Variants in MYO3A observed in about 807,000 individuals in gnomAD.
The protein encoded by MYO3A is myosin-IIIa.
A neutral mutation model predicts 192.7 loss-of-function variants in MYO3A; 180 were observed. That is an observed-to-expected ratio of 0.93 (90% CI 0.83 to 1.06). MYO3A has a LOEUF of 1.06. Among genes scored for constraint, MYO3A ranks in the 50% least tolerant of loss-of-function variants. MYO3A has a pLI of 0.00. For synonymous variants in MYO3A, 628 were observed against 645.3 expected, an observed-to-expected ratio of 0.97 and a Z score of 0.41; for missense variants, 1,896 against 1,905.0, an observed-to-expected ratio of 1.00 and a Z score of 0.09.
intron 17 of MYO3A, among the ~76,000 whole-genome samples, chr10:26,120,330 T>G (rs1838778936): frequency 6.6e-6 from 1 of 152,190 alleles, no homozygotes; most frequent in African/African-American, 2.4e-5. Context: ...CACACTAAGT[T>G]CTGAAATTAA....
chr10:26,168,858 TATA>T lies in MYO3A; in HGVS notation c.3265_3267del (p.Ile1089del), dbSNP rs772831470. 3.7e-6 allele frequency: 6 copies of T among 1,610,668 alleles called. No homozygotes were observed. Among genetic ancestry groups the T allele is most frequent in the Non-Finnish European group, 5.1e-6 (6 of 1,178,660 alleles). ...TACAGGAGAAAAGGAAAGAAAGCGC[TATA>T]ATAATACAGTCAGGTAATCTCTTTG... On this transcript the variant is annotated inframe_deletion, in exon 28 of 35. Transcript: ENST00000642920.
chr10:26,105,158 C>T (rs965749905), intron 17 of MYO3A, among the ~76,000 whole-genome samples: 2 of 152,090 alleles, frequency 1.3e-5, no homozygotes, highest in Non-Finnish European at 2.9e-5. Context: ...TCTTTGCTAC[C>T]ATGAGCAAAA....
intron 4 of MYO3A, among the ~76,000 whole-genome samples, chr10:25,967,902 T>C (rs1409933058): frequency 4.6e-5 from 7 of 152,198 alleles, no homozygotes; most frequent in Non-Finnish European, 1.0e-4. Flanking sequence ...AACTGAAGCA[T>C]AGTTATCAAA....
intron 10 of MYO3A, among the ~76,000 whole-genome samples, chr10:26,039,883 T>C (rs1411707739): frequency 2.0e-5 from 3 of 152,090 alleles, no homozygotes; most frequent in Admixed American, 6.5e-5. Context: ...TTATTTCTGC[T>C]CTGATCTTTA....
Position 26,165,999 on chromosome 10 carries a change from G to A in MYO3A, c.3000-68G>A, listed in dbSNP as rs557659607. 1.8e-4 allele frequency: 234 copies of A among 1,305,852 alleles called. No homozygotes were observed. The African/African-American group carries it at 3.2e-3, about 18-fold the overall frequency. The allele number at this position is 1,305,852 out of a possible 1,614,324, so 80.9% of individuals were successfully genotyped here. On this transcript the variant is annotated intron_variant, in intron 26 of 34. Coordinates refer to ENST00000642920, the MANE Select transcript of MYO3A (RefSeq NM_017433.5). ...CTCAGCCCCTGCACTAAGTTGTTGG[G>A]GAACCACCAAGCTACAGAGATGTTG... is the stretch of plus-strand genomic sequence containing the variant.
intron 20 of MYO3A, among the ~76,000 whole-genome samples, chr10:26,142,140 G>A (rs1840201918): frequency 6.6e-6 from 1 of 152,176 alleles, no homozygotes; most frequent in Non-Finnish European, 1.5e-5. Flanking sequence ...CTTGCCTTCA[G>A]TATTCAATTA....
chr10:26,171,701 G>A (rs1170908848), intron 29 of MYO3A, among the ~76,000 whole-genome samples: 1 of 152,136 alleles, frequency 6.6e-6, no homozygotes, highest in Non-Finnish European at 1.5e-5. Context: ...CAAACTTCCA[G>A]ACATCACAGG....
chr10:25,982,900 A>G (rs1164441193), intron 4 of MYO3A, among the ~76,000 whole-genome samples: 2 of 152,164 alleles, frequency 1.3e-5, no homozygotes, highest in Non-Finnish European at 2.9e-5. Flanking sequence ...TAACACCGCC[A>G]AAAGATCATA....
rs184336265 is a variant in MYO3A at position 25,939,872 on chromosome 10, T to G, written c.-18+4042T>G. On this transcript the variant is annotated intron_variant, in intron 2 of 34. Coordinates refer to ENST00000642920, the MANE Select transcript of MYO3A (RefSeq NM_017433.5). ...ATTGTGAATTTATTTCTTTATTTCTTTCAGCCTTTATTTGACATGTTTTGG... is the reference window on the plus strand; with the variant it reads ...ATTGTGAATTTATTTCTTTATTTCTGTCAGCCTTTATTTGACATGTTTTGG... 1.1e-3 allele frequency among the ~76,000 whole-genome samples: 133 copies of G among 119,436 alleles called. 1 individual carries two copies. Among genetic ancestry groups the G allele is most frequent in the Admixed American group, 5.7e-3 (68 of 11,860 alleles). 78.4% of individuals were successfully genotyped at this position (119,436 alleles called of 152,430 possible).
intron 17 of MYO3A, among the ~76,000 whole-genome samples, chr10:26,103,266 G>A (rs1049579552): frequency 5.9e-5 from 9 of 152,294 alleles, no homozygotes; most frequent in South Asian, 4.1e-4. Context: ...GGAGTGTCCC[G>A]ATTTTCCAGG....
At chr10:26,183,257 G>T (rs1842698304) in intron 31 of MYO3A, among the ~76,000 whole-genome samples, 1 of 152,216 alleles carries the variant, frequency 6.6e-6, no homozygotes, top group Non-Finnish European at 1.5e-5. Context: ...GGGCGTGGTG[G>T]CTCACGCCTG....
intron 4 of MYO3A, among the ~76,000 whole-genome samples, chr10:25,967,184 A>C (rs1199537436): frequency 2.6e-5 from 4 of 152,240 alleles, no homozygotes; most frequent in African/African-American, 9.6e-5. Context: ...AAAAATATTT[A>C]ACTGAAAACC....
intron 4 of MYO3A, among the ~76,000 whole-genome samples, chr10:25,979,187 T>A (rs1363257504): frequency 1.3e-5 from 2 of 152,204 alleles, no homozygotes; most frequent in Non-Finnish European, 2.9e-5. Context: ...ACAAGCCAAC[T>A]CAGTGGCTTC....
chr10:26,178,924 C>T (rs892480350), intron 31 of MYO3A, among the ~76,000 whole-genome samples: 14 of 151,634 alleles, frequency 9.2e-5, no homozygotes, highest in African/African-American at 3.4e-4. Context: ...GCCTCAGCCT[C>T]CCTAGTAGCT....
chr10:26,003,270 C>G (rs1840968619), intron 6 of MYO3A, among the ~76,000 whole-genome samples: 1 of 152,186 alleles, frequency 6.6e-6, no homozygotes, highest in Non-Finnish European at 1.5e-5. Flanking sequence ...GCCTATAGCT[C>G]AGTGCTATAC....
At chr10:26,182,413 C>G (rs1266188797) in intron 31 of MYO3A, among the ~76,000 whole-genome samples, 1 of 152,102 alleles carries the variant, frequency 6.6e-6, no homozygotes, top group Non-Finnish European at 1.5e-5. Flanking sequence ...TTTAAAAATA[C>G]TGGTATATTT....
At chr10:25,949,811 C>T (rs1178907578) in intron 2 of MYO3A, among the ~76,000 whole-genome samples, 2 of 152,064 alleles carry the variant, frequency 1.3e-5, no homozygotes, top group Non-Finnish European at 2.9e-5. Flanking sequence ...GAACCCTATT[C>T]ATTTATTTAT....
At chr10:25,951,429 G>A (rs1837201555) in intron 2 of MYO3A, among the ~76,000 whole-genome samples, 1 of 152,122 alleles carries the variant, frequency 6.6e-6, no homozygotes, top group African/African-American at 2.4e-5. Flanking sequence ...GCTGAGGTCT[G>A]AAAGATTAGT....
At chr10:26,201,685 G>A (rs1458916228) in intron 33 of MYO3A, among the ~76,000 whole-genome samples, 2 of 141,472 alleles carry the variant, frequency 1.4e-5, no homozygotes, top group Non-Finnish European at 3.1e-5. Context: ...GCGAGACTCC[G>A]TCTCAAAAAA....
Sources: allele counts gnomAD v4.1 joint callset (sites outside exome capture counted in the v4.1 genomes callset), GRCh38; gene constraint gnomAD v4.1.1; transcripts MANE v1.5; gene names NCBI Gene and HGNC (gene_info 2026-07-23, HGNC 2026-07-21).